The following ADAM18 variants were observed in gnomAD, a reference collection of about 807,000 sequenced individuals.
The protein encoded by ADAM18 is ADAM metallopeptidase domain 18, also known as disintegrin and metalloproteinase domain-containing protein 18.
Under a neutral mutation model 94.4 loss-of-function variants are expected in ADAM18, and 117 were observed. That is an observed-to-expected ratio of 1.24 (90% CI 1.07 to 1.45). The LOEUF (loss-of-function observed/expected upper bound fraction) is 1.45, where lower values mean the gene tolerates loss of function less well. Among genes scored for constraint, ADAM18 ranks in the 40% most tolerant of loss-of-function variants. The pLI is 0.00. For synonymous variants in ADAM18, 327 were observed against 291.6 expected, an observed-to-expected ratio of 1.12 and a Z score of -1.24; for missense variants, 936 against 880.0, an observed-to-expected ratio of 1.06 and a Z score of -0.81.
At chr8:39,604,092 A>C (rs1818990232) in intron 2 of ADAM18, among the ~76,000 whole-genome samples, 1 of 152,194 alleles carries the variant, frequency 6.6e-6, no homozygotes, top group African/African-American at 2.4e-5. Context: ...GCTCTTCGCC[A>C]CATGCTGGCA....
At chr8:39,589,944 G>A (rs866296685) in intron 2 of ADAM18, among the ~76,000 whole-genome samples, 1 of 148,968 alleles carries the variant, frequency 6.7e-6, no homozygotes, top group African/African-American at 2.5e-5. Context: ...AACAGGTGCT[G>A]GAGAGGATGT....
intron 2 of ADAM18, among the ~76,000 whole-genome samples, chr8:39,599,237 A>C (rs1818832986): frequency 6.6e-6 from 1 of 152,152 alleles, no homozygotes; most frequent in Non-Finnish European, 1.5e-5. Flanking sequence ...TCTAGGGTAA[A>C]CCTCACTTGG....
chr8:39,629,293 C>A, intron 6 of ADAM18, 81 bp from the exon 7 acceptor site: 1 of 1,047,728 alleles, frequency 9.5e-7, no homozygotes, highest in Non-Finnish European at 1.4e-6. Context: ...TGCAATTTTT[C>A]GCTGTCTTTA....
At position 39,706,915 on chromosome 8, in the gene ADAM18, A is replaced by G. The variant is rs758693224; in HGVS notation, c.2017+11A>G. On this transcript the variant is annotated intron_variant, in intron 18 of 19. Transcript: ENST00000265707. ...ATTTTCAGAAATCTGGTAAGTGGAA[A>G]TTTGTTTTCTAAAGCAAAATAGAAG... The G allele has an allele frequency of 4.0e-6, 6 of 1,495,022 alleles. No homozygotes were observed. In the Admixed American group the frequency reaches 5.4e-5, roughly 14 times the overall value. The allele number at this position is 1,495,022 out of a possible 1,614,324, so 92.6% of individuals were successfully genotyped here. A position where few individuals can be genotyped will look rare whatever the true frequency, so the allele number is the denominator to read the frequency against.
chr8:39,621,463 A>AT (rs935334859), intron 6 of ADAM18, among the ~76,000 whole-genome samples: 12 of 151,076 alleles, frequency 7.9e-5, no homozygotes, highest in African/African-American at 1.2e-4. Flanking sequence ...TAGTGTTTCA[A>AT]TTTTTTTTTA....
At chr8:39,695,490 ATGT>A (rs1380766850) in intron 17 of ADAM18, among the ~76,000 whole-genome samples, 1 of 151,478 alleles carries the variant, frequency 6.6e-6, no homozygotes, top group Non-Finnish European at 1.5e-5. Flanking sequence ...ATGACATATG[ATGT>A]TGAGCATCTT....
At chr8:39,605,361 T>C (rs148677993) in intron 2 of ADAM18, among the ~76,000 whole-genome samples, 2 of 152,194 alleles carry the variant, frequency 1.3e-5, no homozygotes, top group African/African-American at 4.8e-5. Flanking sequence ...TGAGCATTGT[T>C]AGTACCCAAT....
intron 14 of ADAM18, among the ~76,000 whole-genome samples, chr8:39,672,755 G>A (rs767358666): frequency 2.0e-5 from 3 of 152,138 alleles, no homozygotes; most frequent in Admixed American, 1.3e-4. Context: ...ATTTAATCAC[G>A]TATCTGTTCA....
At chr8:39,699,935 G>A (rs910837972) in intron 17 of ADAM18, among the ~76,000 whole-genome samples, 2 of 152,160 alleles carry the variant, frequency 1.3e-5, no homozygotes, top group African/African-American at 4.8e-5. Flanking sequence ...GAAATTGGTT[G>A]TAGAATGTAT....
At chr8:39,659,538 C>G (rs1417215507) in intron 12 of ADAM18, among the ~76,000 whole-genome samples, 1 of 152,036 alleles carries the variant, frequency 6.6e-6, no homozygotes, top group Admixed American at 6.6e-5. Flanking sequence ...AATGAGATGT[C>G]TCTGAAATAT....
At chr8:39,591,026 A>G (rs1386746268) in intron 2 of ADAM18, among the ~76,000 whole-genome samples, 1 of 152,234 alleles carries the variant, frequency 6.6e-6, no homozygotes, top group Non-Finnish European at 1.5e-5. Flanking sequence ...ACTATATACT[A>G]TAGTTTATTA....
intron 13 of ADAM18, among the ~76,000 whole-genome samples, chr8:39,665,146 T>C (rs1293563440): frequency 6.6e-6 from 1 of 152,224 alleles, no homozygotes. Flanking sequence ...TTTCTGAAGC[T>C]GTAATTATGC....
intron 12 of ADAM18, among the ~76,000 whole-genome samples, chr8:39,649,631 C>A (rs1379277498): frequency 2.0e-5 from 3 of 152,150 alleles, no homozygotes; most frequent in Non-Finnish European, 4.4e-5. Context: ...TAGCCAGTGT[C>A]CCATCAGTAT....
chr8:39,644,902 TTCTC>T (rs1040144968), intron 10 of ADAM18, among the ~76,000 whole-genome samples: 2 of 152,174 alleles, frequency 1.3e-5, no homozygotes, highest in African/African-American at 4.8e-5. Context: ...ACTGTTGTCT[TTCTC>T]TCTTTCTATA....
Position 39,663,848 on chromosome 8 carries a change from A to C in ADAM18, c.1284A>C (p.Ser428=). 6.2e-7 allele frequency: 1 copy of C among 1,612,514 alleles called. No individual in the cohort carries two copies. The highest frequency in any genetic ancestry group is 8.5e-7 in the Non-Finnish European group (1 of 1,179,658). The part of the protein sequence containing the change: ...CDYNTCKLKG[S]VKCGSGPCCT... ...ATAACACATGTAAACTGAAGGGCTC[A>C]GTAAAATGTGGTTCTGGACCATGTT... The change falls in exon 13 of 20, where the codon TCA becomes TCC. Residue 428 remains serine (S), a synonymous_variant. Coordinates refer to ENST00000265707, the MANE Select transcript of ADAM18 (RefSeq NM_014237.3).
chr8:39,709,962 A>G (rs1303087377), intron 18 of ADAM18, among the ~76,000 whole-genome samples: 1 of 152,248 alleles, frequency 6.6e-6, no homozygotes, highest in Admixed American at 6.5e-5. Context: ...ACAGAGGTTT[A>G]GTTATCTGTG....
At chr8:39,671,145 G>T (rs1024781131) in intron 14 of ADAM18, among the ~76,000 whole-genome samples, 2 of 152,240 alleles carry the variant, frequency 1.3e-5, no homozygotes, top group Non-Finnish European at 2.9e-5. Context: ...AGTTGGTAAT[G>T]AGAGTGGAGT....
At chr8:39,669,783 A>G (rs1216128490) in intron 14 of ADAM18, among the ~76,000 whole-genome samples, 1 of 152,082 alleles carries the variant, frequency 6.6e-6, no homozygotes, top group Non-Finnish European at 1.5e-5. Flanking sequence ...ATGCGTGTGC[A>G]TGTGTCTTTA....
intron 2 of ADAM18, among the ~76,000 whole-genome samples, chr8:39,604,180 C>T (rs553666375): frequency 5.8e-4 from 88 of 152,254 alleles, no homozygotes; most frequent in African/African-American, 2.0e-3. Flanking sequence ...TGGAGAGTTA[C>T]TTAATCTCTG....
Sources: allele counts gnomAD v4.1 joint callset (sites outside exome capture counted in the v4.1 genomes callset), GRCh38; gene constraint gnomAD v4.1.1; transcripts MANE v1.5; gene names NCBI Gene and HGNC (gene_info 2026-07-23, HGNC 2026-07-21).